The following APEH variants were observed in gnomAD, a reference collection of about 807,000 sequenced individuals.
APEH encodes acylaminoacyl-peptide hydrolase, also known as acylamino-acid-releasing enzyme.
In APEH, 75 loss-of-function variants were observed where a neutral mutation model predicts 102.7. The observed-to-expected ratio is 0.73, with a 90% CI of 0.61 to 0.89. The LOEUF is 0.89. Ranked by LOEUF, APEH falls within the 40% of genes least tolerant of loss-of-function variation. The pLI is 0.00. For missense variants in APEH, 863 were observed against 941.2 expected (o/e 0.92, Z 1.09); for synonymous variants, 344 against 362.7 (o/e 0.95, Z 0.59).
chr3:49,674,045 G>A, upstream of APEH: 1 of 397,780 alleles, frequency 2.5e-6, no homozygotes. Flanking sequence ...CCCCGAAGCC[G>A]GGCTCCCGGG....
upstream of APEH, chr3:49,674,315 GC>G: frequency 6.7e-7 from 1 of 1,488,074 alleles, no homozygotes; most frequent in Non-Finnish European, 9.0e-7. Context: ...GGCGGAGACA[GC>G]CCGGGCCGTC....
At chr3:49,682,296 G>T (rs9822268) in intron 17 of APEH, 52 bp from the exon 18 acceptor site, 45 of 1,515,414 alleles carry the variant, frequency 3.0e-5, no homozygotes, top group Non-Finnish European at 3.6e-6. Context: ...AGAGCGTCGA[G>T]GGGGCTGGGA....
chr3:49,679,787 A>G lies in APEH; in HGVS notation c.1210+143A>G. The G allele has an allele frequency of 1.2e-6, 1 of 824,176 alleles. No homozygotes were observed. Among genetic ancestry groups the G allele is most frequent in the Non-Finnish European group, 1.9e-6 (1 of 513,748 alleles). 51.1% of individuals were successfully genotyped at this position (824,176 alleles called of 1,614,324 possible). A position where few individuals can be genotyped will look rare whatever the true frequency, so the allele number is the denominator to read the frequency against. On this transcript the variant is annotated intron_variant, in intron 13 of 21. Coordinates refer to ENST00000296456, the MANE Select transcript of APEH (RefSeq NM_001640.4). The surrounding 1 kb of genome is among the most constrained non-coding windows in gnomAD (Gnocchi z 4.3). ...CACTGACTGTTCCACAGCCTTTACT[A>G]ACAGGTCCCCAAGGCCCCTGTCTGT...
At chr3:49,680,731 A>G (rs2053280544) in intron 14 of APEH, 102 bp downstream of exon 14, 23 of 1,092,166 alleles carry the variant, frequency 2.1e-5, no homozygotes, top group Middle Eastern at 2.5e-4. Context: ...GCTGGTCAGC[A>G]TACAGACGGG....
chr3:49,676,847 C>G, intron 9 of APEH, 30 bp downstream of exon 9: 1 of 1,614,250 alleles, frequency 6.2e-7, no homozygotes, highest in East Asian at 2.2e-5. Context: ...CTGTGCTTTG[C>G]TGACACATGT....
intron 4 of APEH, 37 bp downstream of exon 4, chr3:49,675,824 GA>G (rs2053015673): frequency 6.2e-7 from 1 of 1,612,758 alleles, no homozygotes; most frequent in South Asian, 1.1e-5. Flanking sequence ...GGTGACAAGA[GA>G]GAGGCTCTGC....
At chr3:49,680,665 G>A (rs781710944) in intron 14 of APEH, 36 bp downstream of exon 14, 2 of 1,587,784 alleles carry the variant, frequency 1.3e-6, no homozygotes, top group South Asian at 1.1e-5. Context: ...TGGAGGCAGG[G>A]GTTCTGGGCA....
upstream of APEH, chr3:49,674,328 C>T: frequency 3.3e-6 from 5 of 1,514,914 alleles, no homozygotes; most frequent in Non-Finnish European, 4.4e-6. Flanking sequence ...CGGGCCGTCC[C>T]AGGCTCCGCC....
chr3:49,673,801 C>CTCACGCTCACGCTCACG (rs2052881855), upstream of APEH, among the ~76,000 whole-genome samples: 7 of 145,580 alleles, frequency 4.8e-5, no homozygotes, highest in African/African-American at 1.5e-4. Context: ...CAACCCTCAC[C>CTCACGCTCACGCTCACG]CTCACGCTCA....
rs764392325 is a variant in APEH, at chr3:49,676,105, T to C, written c.492T>C (p.Tyr164=). Residue 164 remains tyrosine (Y), a synonymous_variant, in exon 6 of 22, where the codon TAT becomes TAC. Transcript: ENST00000296456. ...SWSHSETHLL[Y]VAEKKRPKAE... is the part of the protein sequence containing the mutation. The stretch of plus-strand genomic sequence containing the variant: ...CGCACTCGGAGACACACTTGTTGTA[T>C]GTGGCAGAGAAGAAGCGCCCCAAGG... 4 of 1,614,238 alleles carry C rather than the reference T, an allele frequency of 2.5e-6. No individual in the cohort carries two copies. In the East Asian group the frequency reaches 8.9e-5, roughly 36 times the overall value.
rs2053469142 is a variant in APEH at position 49,683,878 on chromosome 3, T to TC, written c.*537dup. ...TCACCTAGCCCAGGGTGTGCTGGGCTCAAGCCACCCGAGCCCTAGCAAGGA... is the reference window on the plus strand; with the variant it reads ...TCACCTAGCCCAGGGTGTGCTGGGCTCCAAGCCACCCGAGCCCTAGCAAGGA... On this transcript the variant is annotated 3_prime_UTR_variant, in exon 22 of 22. Coordinates refer to ENST00000296456, the MANE Select transcript of APEH (RefSeq NM_001640.4). 3 of 1,252,232 alleles carry TC rather than the reference T, an allele frequency of 2.4e-6. No individual in the cohort carries two copies. In the Admixed American group the frequency reaches 8.0e-5, roughly 33 times the overall value. 77.6% of individuals were successfully genotyped at this position (1,252,232 alleles called of 1,614,324 possible).
chr3:49,678,750 G>A (rs932353008), intron 11 of APEH, 102 bp from the exon 12 acceptor site: 6 of 977,378 alleles, frequency 6.1e-6, no homozygotes, highest in African/African-American at 3.2e-5. Flanking sequence ...ACTGGTGCCT[G>A]AGTAGGGCCC....
At chr3:49,677,083 A>G in intron 10 of APEH, 59 bp downstream of exon 10, 1 of 1,609,312 alleles carries the variant, frequency 6.2e-7, no homozygotes, top group Non-Finnish European at 8.5e-7. Context: ...ATGGTGGATG[A>G]GAGCTGAAGG....
intron 17 of APEH, 106 bp downstream of exon 17, chr3:49,682,073 C>G (rs1335120337): frequency 1.5e-6 from 2 of 1,300,914 alleles, no homozygotes; most frequent in African/African-American, 2.9e-5. Flanking sequence ...CCAGGACTTT[C>G]TCTAGCCTAG....
In APEH at chr3:49,681,202, G is replaced by A. The variant is rs186138489; in HGVS notation, c.1401G>A (p.Val467=). Residue 467 remains valine (V), a synonymous_variant, in exon 15 of 22, where the codon GTG becomes GTA. Coordinates refer to ENST00000296456, the MANE Select transcript of APEH (RefSeq NM_001640.4). ...CCGACATCCACTGGGGCATCCGGGT[G>A]CTACAGCCACCCCCAGAGCAAGAGA... The part of the protein sequence containing the change: ...PIPDIHWGIR[V]LQPPPEQENV... 117 of 1,608,010 alleles carry A rather than the reference G, an allele frequency of 7.3e-5. No individual in the cohort carries two copies. The East Asian group carries it at 2.6e-3, about 35-fold the overall frequency.
intron 21 of APEH, 41 bp downstream of exon 21, chr3:49,683,187 G>C: frequency 6.2e-7 from 1 of 1,609,946 alleles, no homozygotes; most frequent in Non-Finnish European, 8.5e-7. Flanking sequence ...GTGGGCAGGT[G>C]AGCACAGGAG....
chr3:49,683,733 C>T lies in APEH; in HGVS notation c.*391C>T. 2.0e-6 allele frequency: 1 copy of T among 498,392 alleles called. No individual in the cohort carries two copies. The highest frequency in any genetic ancestry group is 3.6e-6 in the Non-Finnish European group (1 of 277,692). 30.9% of individuals were successfully genotyped at this position (498,392 alleles called of 1,614,324 possible). Reference sequence around the variant, plus strand: ...CCTTCCATTAGCAACTACTCTGTACCACCCTTCCCAAGAGTATGTCTGGAG... The same window carrying T: ...CCTTCCATTAGCAACTACTCTGTACTACCCTTCCCAAGAGTATGTCTGGAG... On this transcript the variant is annotated 3_prime_UTR_variant, in exon 22 of 22. Transcript: ENST00000296456.
chr3:49,680,915 C>T (rs899041578), intron 14 of APEH, among the ~76,000 whole-genome samples, 186 bp from the exon 15 acceptor site: 1 of 152,186 alleles, frequency 6.6e-6, no homozygotes, highest in Non-Finnish European at 1.5e-5. Context: ...AGGGGTGTGC[C>T]TGTGTGTGAT....
chr3:49,673,951 G>C (rs2052889596), upstream of APEH: 1 of 198,554 alleles, frequency 5.0e-6, no homozygotes, highest in East Asian at 1.3e-4. Flanking sequence ...CGCCCTTCGC[G>C]TGCTTGGGCC....
Sources: allele counts gnomAD v4.1 joint callset (sites outside exome capture counted in the v4.1 genomes callset), GRCh38; gene constraint gnomAD v4.1.1; non-coding constraint Gnocchi (gnomAD v3.1); transcripts MANE v1.5; gene names NCBI Gene and HGNC (gene_info 2026-07-23, HGNC 2026-07-21).